Variants in WDR3 observed in about 807,000 individuals in gnomAD.
WDR3 encodes the protein WD repeat-containing protein 3.
WDR3 carries 81 observed loss-of-function variants against 123.7 expected under a neutral mutation model. That is an observed-to-expected ratio of 0.65 (90% CI 0.55 to 0.79). The LOEUF (loss-of-function observed/expected upper bound fraction) is 0.79, where lower values mean the gene tolerates loss of function less well. Among genes scored for constraint, WDR3 ranks in the 30% least tolerant of loss-of-function variants. WDR3 has a pLI of 0.00. For synonymous variants in WDR3, 390 were observed against 388.8 expected, an observed-to-expected ratio of 1.00 and a Z score of -0.04; for missense variants, 1,027 against 1,123.2, an observed-to-expected ratio of 0.91 and a Z score of 1.22.
Position 117,942,558 on chromosome 1 carries a change from A to G in WDR3, c.1097+14A>G. ...TGCCAAAATCAAGTGAGTAAAAATAAATTATCTGAAGTTATAGAAATAGTA... is the reference window on the plus strand; with the variant it reads ...TGCCAAAATCAAGTGAGTAAAAATAGATTATCTGAAGTTATAGAAATAGTA... On this transcript the variant is annotated intron_variant, in intron 10 of 26. Coordinates refer to ENST00000349139, the MANE Select transcript of WDR3 (RefSeq NM_006784.3). 6.2e-7 allele frequency: 1 copy of G among 1,602,300 alleles called. No individual in the cohort carries two copies. The highest frequency in any genetic ancestry group is 8.5e-7 in the Non-Finnish European group (1 of 1,170,180).
At chr1:117,958,846 T>C in intron 25 of WDR3, 64 bp from the exon 26 acceptor site, 1 of 1,250,130 alleles carries the variant, frequency 8.0e-7, no homozygotes, top group Non-Finnish European at 1.1e-6. Context: ...GTTTACTGTT[T>C]CTAGAAGGGT....
In WDR3 at chr1:117,964,069, A is replaced by G. The variant is rs139240866; in HGVS notation, c.*4622A>G. On this transcript the variant is annotated 3_prime_UTR_variant, in exon 27 of 27. Transcript: ENST00000349139. ...TCAATTTTAGGTAACTGTCTATCCA[A>G]TGCAAATTCTGCATGCTCAGGCTTG... 606 of 1,019,062 alleles carry G rather than the reference A, an allele frequency of 5.9e-4. 3 individuals are homozygous for G. The African/African-American group carries it at 8.6e-3, about 14-fold the overall frequency. The allele number at this position is 1,019,062 out of a possible 1,614,324, so 63.1% of individuals were successfully genotyped here. A position where few individuals can be genotyped will look rare whatever the true frequency, so the allele number is the denominator to read the frequency against.
intron 21 of WDR3, chr1:117,953,765 C>G (rs2101229106): frequency 1.6e-6 from 1 of 609,300 alleles, no homozygotes; most frequent in South Asian, 2.1e-5. Flanking sequence ...GGGACCTGCC[C>G]TATTCAGAGT....
At position 117,939,475 on chromosome 1, in the gene WDR3, A is replaced by G. The variant is rs766845367; in HGVS notation, c.580-2A>G. 57 of 1,537,944 alleles carry G rather than the reference A, an allele frequency of 3.7e-5. No individual in the cohort carries two copies. Among genetic ancestry groups the G allele is most frequent in the Non-Finnish European group, 4.7e-5 (53 of 1,129,680 alleles). On this transcript the variant is annotated splice_acceptor_variant, in intron 5 of 26. Coordinates refer to ENST00000349139, the MANE Select transcript of WDR3 (RefSeq NM_006784.3). LOFTEE classifies it high-confidence loss of function. ...TTACTCAAATCTTTTTATATTCTATAGGTATGGGGGTTGGTTCTGTTGTCA... is the reference window on the plus strand; with the variant it reads ...TTACTCAAATCTTTTTATATTCTATGGGTATGGGGGTTGGTTCTGTTGTCA...
Position 117,952,997 on chromosome 1 carries a change from G to C in WDR3, c.2202+1G>C, listed in dbSNP as rs777255197. ...TGTGGCCAAAGAAGACCAACCAGCAGTAAGTAAATTTTGGGGACCTTGAGA... is the reference window on the plus strand; with the variant it reads ...TGTGGCCAAAGAAGACCAACCAGCACTAAGTAAATTTTGGGGACCTTGAGA... On this transcript the variant is annotated splice_donor_variant, in intron 20 of 26. Coordinates refer to ENST00000349139, the MANE Select transcript of WDR3 (RefSeq NM_006784.3). LOFTEE classifies it high-confidence loss of function. 6.2e-7 allele frequency: 1 copy of C among 1,613,020 alleles called. No individual in the cohort carries two copies. The highest frequency in any genetic ancestry group is 8.5e-7 in the Non-Finnish European group (1 of 1,179,304).
chr1:117,931,299 C>T (rs564406872), intron 1 of WDR3, among the ~76,000 whole-genome samples: 5 of 152,298 alleles, frequency 3.3e-5, no homozygotes, highest in African/African-American at 1.2e-4. Flanking sequence ...TATGTTAGCT[C>T]GGTTTCATTA....
At position 117,955,331 on chromosome 1, in the gene WDR3, T is replaced by TA. The variant is rs1367496894; in HGVS notation, c.2427dup (p.Glu810ArgfsTer4). 6.2e-7 allele frequency: 1 copy of TA among 1,612,366 alleles called. No individual in the cohort carries two copies. Among genetic ancestry groups the TA allele is most frequent in the Non-Finnish European group, 8.5e-7 (1 of 1,178,898 alleles). On this transcript the variant is annotated frameshift_variant, in exon 24 of 27. Transcript: ENST00000349139. LOFTEE classifies it high-confidence loss of function. ...CCTTTATAGCCTTCAGCTTATGTAT[T>TA]AGAGATTTTTAAAGGGATCAAGTCG...
chr1:117,957,788 A>T (rs1023157310), intron 25 of WDR3, among the ~76,000 whole-genome samples: 11 of 152,174 alleles, frequency 7.2e-5, no homozygotes, highest in African/African-American at 2.7e-4. Context: ...AGCCAAAAGG[A>T]TGGACATTCC....
chr1:117,939,445 T>A lies in WDR3; in HGVS notation c.580-32T>A, dbSNP rs754657737. The stretch of plus-strand genomic sequence containing the variant: ...TATGCTACCTGGAATCTCTTGAAAA[T>A]CGTATTACTCAAATCTTTTTATATT... On this transcript the variant is annotated intron_variant, in intron 5 of 26. Transcript: ENST00000349139. 8 of 1,604,414 alleles carry A rather than the reference T, an allele frequency of 5.0e-6. No individual in the cohort carries two copies. The East Asian group carries it at 1.8e-4, about 36-fold the overall frequency.
At chr1:117,938,401 AGT>A in intron 4 of WDR3, 77 bp from the exon 5 acceptor site, 3 of 1,116,492 alleles carry the variant, frequency 2.7e-6, no homozygotes, top group Non-Finnish European at 4.0e-6. Context: ...TTAAAGCAAC[AGT>A]GAGTTTTGGA....
Position 117,960,978 on chromosome 1 carries a change from C to G in WDR3, c.*1531C>G, listed in dbSNP as rs1653002561. The G allele has an allele frequency of 6.6e-6, 1 of 151,976 alleles. No homozygotes were observed. The highest frequency in any genetic ancestry group is 2.1e-4 in the South Asian group (1 of 4,826). 9.4% of individuals were successfully genotyped at this position (151,976 alleles called of 1,614,324 possible). A position where few individuals can be genotyped will look rare whatever the true frequency, so the allele number is the denominator to read the frequency against. ...TGTTTCAGATCTCCAAAAATTTTTC[C>G]AATATATTTATTGAAAATATCTGGG... On this transcript the variant is annotated 3_prime_UTR_variant, in exon 27 of 27. Transcript: ENST00000349139.
In WDR3 at chr1:117,964,191, A is replaced by G. The variant is rs1268931681; in HGVS notation, c.*4744A>G. The G allele has an allele frequency of 3.1e-6, 1 of 326,178 alleles. No homozygotes were observed. The highest frequency in any genetic ancestry group is 5.7e-6 in the Non-Finnish European group (1 of 175,566). 20.2% of individuals were successfully genotyped at this position (326,178 alleles called of 1,614,324 possible). Reference sequence around the variant, plus strand: ...TGTGACTGGCTTTCTATAAGGAGCCATCAGTATGGTCAAGCCCCAAACCAT... The same window carrying G: ...TGTGACTGGCTTTCTATAAGGAGCCGTCAGTATGGTCAAGCCCCAAACCAT... On this transcript the variant is annotated 3_prime_UTR_variant, in exon 27 of 27. Transcript: ENST00000349139.
intron 13 of WDR3, among the ~76,000 whole-genome samples, chr1:117,948,709 A>G (rs916197071): frequency 6.6e-6 from 1 of 151,954 alleles, no homozygotes; most frequent in African/African-American, 2.4e-5. Context: ...CAGCAGCGTG[A>G]CATCAAATTG....
At chr1:117,950,461 G>T (rs1021833666) in intron 15 of WDR3, among the ~76,000 whole-genome samples, 14 of 152,110 alleles carry the variant, frequency 9.2e-5, no homozygotes, top group African/African-American at 3.1e-4. Context: ...GATCATCTAG[G>T]TTGCTTTTAA....
intron 23 of WDR3, chr1:117,955,012 G>A: frequency 2.6e-6 from 1 of 386,928 alleles, no homozygotes; most frequent in Non-Finnish European, 4.6e-6. Flanking sequence ...GAGAATGTAT[G>A]TTTATCTAGT....
chr1:117,942,419 T>G lies in WDR3; in HGVS notation c.990-18T>G, dbSNP rs1361880315. The G allele has an allele frequency of 5.6e-6, 9 of 1,606,478 alleles. No individual in the cohort carries two copies. The highest frequency in any genetic ancestry group is 1.3e-5 in the African/African-American group (1 of 74,772). ...CTAGAAAAATAAGAGCATGATATAC[T>G]TTTCTTCTTCCCTCTAGATTACATT... On this transcript the variant is annotated intron_variant, in intron 9 of 26. Coordinates refer to ENST00000349139, the MANE Select transcript of WDR3 (RefSeq NM_006784.3).
chr1:117,950,971 A>G (rs1188584297), intron 16 of WDR3, 81 bp downstream of exon 16: 4 of 1,126,638 alleles, frequency 3.6e-6, no homozygotes, highest in Non-Finnish European at 2.6e-6. Flanking sequence ...TGATGTCTTC[A>G]TCTTAGATTA....
chr1:117,963,950 G>A lies in WDR3; in HGVS notation c.*4503G>A. ...GCTTGTTAAAACAGGTAAAATACTTGTTAAGGGCTGTGCTTTTCATGACTA... is the reference window on the plus strand; with the variant it reads ...GCTTGTTAAAACAGGTAAAATACTTATTAAGGGCTGTGCTTTTCATGACTA... On this transcript the variant is annotated 3_prime_UTR_variant, in exon 27 of 27. Coordinates refer to ENST00000349139, the MANE Select transcript of WDR3 (RefSeq NM_006784.3). The A allele has an allele frequency of 1.9e-6, 3 of 1,610,026 alleles. No homozygotes were observed. The highest frequency in any genetic ancestry group is 2.5e-6 in the Non-Finnish European group (3 of 1,178,146).
Position 117,943,389 on chromosome 1 carries a change from T to G in WDR3, c.1098-7T>G. On this transcript the variant is annotated splice_polypyrimidine_tract_variant and splice_region_variant and intron_variant, in intron 10 of 26. Coordinates refer to ENST00000349139, the MANE Select transcript of WDR3 (RefSeq NM_006784.3). ...GCTAGAACATTTATGATTATTTTCT[T>G]GTACAGGTCCTTTGACTTGATTCAT... The G allele has an allele frequency of 6.2e-7, 1 of 1,609,870 alleles. No individual in the cohort carries two copies. Among genetic ancestry groups the G allele is most frequent in the Non-Finnish European group, 8.5e-7 (1 of 1,177,266 alleles).
Sources: allele counts gnomAD v4.1 joint callset (sites outside exome capture counted in the v4.1 genomes callset), GRCh38; gene constraint gnomAD v4.1.1; transcripts MANE v1.5; gene names NCBI Gene and HGNC (gene_info 2026-07-23, HGNC 2026-07-21).